The following MYO1E variants were observed in gnomAD, a reference collection of about 807,000 sequenced individuals.
The protein encoded by MYO1E is unconventional myosin-Ie.
A neutral mutation model predicts 151.1 loss-of-function variants in MYO1E; 68 were observed. The ratio of observed to expected loss-of-function variants is 0.45; its 90% confidence interval spans 0.37 to 0.55. The LOEUF (loss-of-function observed/expected upper bound fraction) is 0.55, where lower values mean the gene tolerates loss of function less well. MYO1E is among the 20% of genes least tolerant of loss of function. The pLI is 0.00. For synonymous variants in MYO1E, 601 were observed against 501.7 expected, an observed-to-expected ratio of 1.20 and a Z score of -2.64; for missense variants, 1,363 against 1,389.3, an observed-to-expected ratio of 0.98 and a Z score of 0.30.
chr15:59,137,098 G>A lies in MYO1E; in HGVS notation c.*282C>T. 1 of 468,706 alleles carries A rather than the reference G, an allele frequency of 2.1e-6. No individual in the cohort carries two copies. Among genetic ancestry groups the A allele is most frequent in the Non-Finnish European group, 4.0e-6 (1 of 253,062 alleles). The allele number at this position is 468,706 out of a possible 1,614,324, so 29.0% of individuals were successfully genotyped here. ...TACAAGGTCTGAGCAGACCTCACTTGTCCTCTCACCAGGTTTAAATACAAT... is the reference window on the plus strand; with the variant it reads ...TACAAGGTCTGAGCAGACCTCACTTATCCTCTCACCAGGTTTAAATACAAT... On this transcript the variant is annotated 3_prime_UTR_variant, in exon 28 of 28. Coordinates refer to ENST00000288235, the MANE Select transcript of MYO1E (RefSeq NM_004998.4).
intron 25 of MYO1E, among the ~76,000 whole-genome samples, chr15:59,155,094 T>C (rs1596344506): frequency 6.6e-6 from 1 of 152,008 alleles, no homozygotes; most frequent in Middle Eastern, 3.4e-3. Context: ...CTGCCTAGGG[T>C]CCCAACAAAA....
rs548730579 is a variant in MYO1E at position 59,367,196 on chromosome 15, T to C, written c.3+5302A>G. On this transcript the variant is annotated intron_variant, in intron 1 of 27. Coordinates refer to ENST00000288235, the MANE Select transcript of MYO1E (RefSeq NM_004998.4). ...ATAATAAGGCCCCACACTTGGCTCATGAGGAAACGCAAGGTACTATATGTT... is the reference window on the plus strand; with the variant it reads ...ATAATAAGGCCCCACACTTGGCTCACGAGGAAACGCAAGGTACTATATGTT... 7.2e-5 allele frequency among the ~76,000 whole-genome samples: 11 copies of C among 152,282 alleles called. No homozygotes were observed. The South Asian group carries it at 2.3e-3, about 32-fold the overall frequency.
Position 59,208,391 on chromosome 15 carries a change from G to A in MYO1E, c.1530+290C>T, listed in dbSNP as rs1221012214. 4.3e-5 allele frequency: 24 copies of A among 557,870 alleles called. No individual in the cohort carries two copies. In the Admixed American group the frequency reaches 4.3e-4, roughly 10 times the overall value. The allele number at this position is 557,870 out of a possible 1,614,324, so 34.6% of individuals were successfully genotyped here. ...GTATTTATTGTGTTCTAGAAATTCC[G>A]ACTCTTTTCATTAGATATATGCTAT... On this transcript the variant is annotated intron_variant, in intron 14 of 27. Coordinates refer to ENST00000288235, the MANE Select transcript of MYO1E (RefSeq NM_004998.4).
At chr15:59,188,623 G>C (rs1427167380) in intron 17 of MYO1E, among the ~76,000 whole-genome samples, 1 of 152,152 alleles carries the variant, frequency 6.6e-6, no homozygotes, top group Non-Finnish European at 1.5e-5. Context: ...TTGAACCAGG[G>C]AGGCAGAGGC....
chr15:59,271,454 G>C (rs57389779), intron 2 of MYO1E, among the ~76,000 whole-genome samples: 3 of 152,136 alleles, frequency 2.0e-5, no homozygotes, highest in East Asian at 1.9e-4. Context: ...ACAGAGTTTT[G>C]CATGTCCATG....
At chr15:59,258,125 T>C (rs6494089) in intron 3 of MYO1E, among the ~76,000 whole-genome samples, 38,826 of 151,852 alleles carry the variant, frequency 0.26, 5,351 homozygotes, top group African/African-American at 0.36. Flanking sequence ...GGTGGGAGGA[T>C]CACTTGAGGT....
chr15:59,212,619 T>C (rs540454682), intron 12 of MYO1E: 26 of 152,292 alleles, frequency 1.7e-4, no homozygotes, highest in African/African-American at 5.3e-4. Context: ...GGTGTCTTTC[T>C]TTTCTTTTTC....
At chr15:59,338,701 G>C (rs2080745279) in intron 1 of MYO1E, among the ~76,000 whole-genome samples, 2 of 152,142 alleles carry the variant, frequency 1.3e-5, no homozygotes, top group African/African-American at 2.4e-5. Context: ...CAAGGTCCTT[G>C]AAAACCCATT....
Position 59,137,465 on chromosome 15 carries a change from A to G in MYO1E, c.3251-9T>C, listed in dbSNP as rs375964136. ...CCACCAGCCAGAAGGATCTGCAGGGAGAGAGAGGTGGTGGAAGTGAAGATG... is the reference window on the plus strand; with the variant it reads ...CCACCAGCCAGAAGGATCTGCAGGGGGAGAGAGGTGGTGGAAGTGAAGATG... On this transcript the variant is annotated splice_polypyrimidine_tract_variant and intron_variant, in intron 27 of 27. Transcript: ENST00000288235. 1.4e-5 allele frequency: 23 copies of G among 1,613,074 alleles called. No homozygotes were observed. The highest frequency in any genetic ancestry group is 1.8e-5 in the Non-Finnish European group (21 of 1,179,224).
chr15:59,149,038 GT>G lies in MYO1E; in HGVS notation c.3080+4551del, dbSNP rs796601875. ...CAGAGCAAAGGTGGGTGGATGAACT[GT>G]TTTTTTTTTTTTGTTTTTTTTTTTT... On this transcript the variant is annotated intron_variant, in intron 26 of 27. Transcript: ENST00000288235. Among the ~76,000 whole-genome samples, 424 of 89,552 alleles carry G rather than the reference GT, an allele frequency of 4.7e-3. 4 individuals carry two copies. Among genetic ancestry groups the G allele is most frequent in the African/African-American group, 0.017 (378 of 22,118 alleles). 58.7% of individuals were successfully genotyped at this position (89,552 alleles called of 152,430 possible).
chr15:59,269,661 T>G (rs1454404995), intron 2 of MYO1E, among the ~76,000 whole-genome samples: 1 of 151,786 alleles, frequency 6.6e-6, no homozygotes, highest in African/African-American at 2.4e-5. Context: ...ATTGAGACCA[T>G]CCCGGCCAAC....
At chr15:59,276,203 G>C (rs768036611) in intron 1 of MYO1E, among the ~76,000 whole-genome samples, 9 of 152,168 alleles carry the variant, frequency 5.9e-5, no homozygotes, top group Non-Finnish European at 1.3e-4. Context: ...CAGCAGAGAT[G>C]GTTCCTCATC....
At chr15:59,158,948 G>A (rs2083735326) in intron 24 of MYO1E, among the ~76,000 whole-genome samples, 1 of 152,174 alleles carries the variant, frequency 6.6e-6, no homozygotes, top group Admixed American at 6.5e-5. Flanking sequence ...ACACACTGTG[G>A]GTCACAGTCA....
chr15:59,347,558 T>C (rs1356828534), intron 1 of MYO1E, among the ~76,000 whole-genome samples: 1 of 152,152 alleles, frequency 6.6e-6, no homozygotes, highest in Non-Finnish European at 1.5e-5. Flanking sequence ...ATTAGTAAAG[T>C]CTTGCCAAAA....
intron 26 of MYO1E, among the ~76,000 whole-genome samples, chr15:59,147,699 A>C (rs1298773163): frequency 6.6e-6 from 1 of 151,986 alleles, no homozygotes; most frequent in Non-Finnish European, 1.5e-5. Context: ...AAATTGTCCA[A>C]ATGAGGCTCT....
chr15:59,290,310 GC>G (rs1373716502), intron 1 of MYO1E, among the ~76,000 whole-genome samples: 4 of 152,204 alleles, frequency 2.6e-5, no homozygotes, highest in African/African-American at 9.7e-5. Context: ...CCTTGAAGCT[GC>G]CTTTAGATCC....
At chr15:59,310,840 G>A (rs898547940) in intron 1 of MYO1E, among the ~76,000 whole-genome samples, 1 of 151,374 alleles carries the variant, frequency 6.6e-6, no homozygotes, top group African/African-American at 2.4e-5. Flanking sequence ...TCTGTAAGAA[G>A]CTAGTGGTCT....
intron 1 of MYO1E, among the ~76,000 whole-genome samples, chr15:59,283,946 T>A (rs2080371944): frequency 1.3e-5 from 2 of 152,248 alleles, no homozygotes. Context: ...GTACTTGTAT[T>A]ATCCTTTTTT....
At chr15:59,140,629 C>T (rs1311517723) in intron 26 of MYO1E, among the ~76,000 whole-genome samples, 1 of 152,200 alleles carries the variant, frequency 6.6e-6, no homozygotes, top group African/African-American at 2.4e-5. Context: ...AAAGAACAAC[C>T]ACACCCAGTT....
Sources: gnomAD v4.1 joint callset for allele counts (sites outside exome capture counted in the v4.1 genomes callset) on GRCh38, gnomAD v4.1.1 for gene constraint, MANE v1.5 for transcripts, NCBI Gene and HGNC (gene_info 2026-07-23, HGNC 2026-07-21) for gene names.